The following PCDHGB7 variants were observed in gnomAD, a reference collection of about 807,000 sequenced individuals.
PCDHGB7 encodes the protein protocadherin gamma-B7.
Under a neutral mutation model 61.4 loss-of-function variants are expected in PCDHGB7, and 37 were observed. That is an observed-to-expected ratio of 0.60 (90% confidence interval 0.46 to 0.79). The LOEUF (loss-of-function observed/expected upper bound fraction) is 0.79. PCDHGB7 is among the 30% of genes least tolerant of loss of function. The pLI, the probability that PCDHGB7 is intolerant of heterozygous loss-of-function variation, is 0.00. For synonymous variants in PCDHGB7, 464 were observed against 503.5 expected (o/e 0.92, Z 1.05); for missense variants, 1,166 against 1,202.5 (o/e 0.97, Z 0.45).
intron 1 of PCDHGB7, 106 bp from the exon 2 acceptor site, chr5:141,494,701 C>T: frequency 6.3e-7 from 1 of 1,594,596 alleles, no homozygotes; most frequent in Admixed American, 1.7e-5. Flanking sequence ...CCGTTTTCTT[C>T]TCTGTGCCCA....
In PCDHGB7 at chr5:141,419,663, G is replaced by A; in HGVS notation, c.1804G>A (p.Ala602Thr). The change falls in exon 1 of 4, where the codon GCC (alanine) becomes ACC (threonine). Residue 602 changes from alanine (A) to threonine (T), a missense_variant. Transcript: ENST00000398594. ...CGTGGACGCGGACTCGGGGCACAAT[G>A]CCTGGCTGTCCTACCACGTGGTGCA... ...VAVDADSGHN[A>T]WLSYHVVQAS... 6.2e-7 allele frequency: 1 copy of A among 1,612,826 alleles called. No individual in the cohort carries two copies. The highest frequency in any genetic ancestry group is 8.5e-7 in the Non-Finnish European group (1 of 1,179,782).
intron 1 of PCDHGB7, among the ~76,000 whole-genome samples, chr5:141,460,914 A>G (rs62379191): frequency 4.9e-5 from 6 of 122,236 alleles, no homozygotes; most frequent in Non-Finnish European, 5.2e-5. Context: ...TCCATGGTGT[A>G]TATATATATA....
chr5:141,418,572 AC>A lies in PCDHGB7; in HGVS notation c.719del (p.Pro240GlnfsTer23), dbSNP rs752316020. 8.1e-6 allele frequency: 13 copies of A among 1,613,794 alleles called. 1 individual carries two copies. The Admixed American group carries it at 1.8e-4, about 23-fold the overall frequency. ...IRILVIDAND[N>X]PPVFSQDVYR... ...ATCCTGGTAATAGATGCCAATGACA[AC>A]CCCCCAGTGTTCAGCCAGGACGTGT... On this transcript the variant is annotated frameshift_variant, in exon 1 of 4. Transcript: ENST00000398594. LOFTEE classifies it high-confidence loss of function.
intron 1 of PCDHGB7, among the ~76,000 whole-genome samples, chr5:141,473,413 G>A (rs1282997381): frequency 6.6e-6 from 1 of 152,156 alleles, no homozygotes; most frequent in Non-Finnish European, 1.5e-5. Context: ...CTTCTTCAGT[G>A]GGGGAAGCAG....
In PCDHGB7 at chr5:141,486,718, A is replaced by G; in HGVS notation, c.2416-8089A>G. 6.2e-7 allele frequency: 1 copy of G among 1,614,106 alleles called. No individual in the cohort carries two copies. The highest frequency in any genetic ancestry group is 1.7e-5 in the Admixed American group (1 of 60,022). On this transcript the variant is annotated intron_variant, in intron 1 of 3. Coordinates refer to ENST00000398594, the MANE Select transcript of PCDHGB7 (RefSeq NM_018927.4). This position sits in a 1 kb window ranked among gnomAD's most constrained non-coding sequence, Gnocchi z 5.0. Reference sequence around the variant, plus strand: ...TCATCTCTCTGAACCCCCAGACAGGAGCTGTTCATGCTACTCGATCCTTTG... The same window carrying G: ...TCATCTCTCTGAACCCCCAGACAGGGGCTGTTCATGCTACTCGATCCTTTG...
At chr5:141,479,328 G>C (rs568506786) in intron 1 of PCDHGB7, 3 of 152,536 alleles carry the variant, frequency 2.0e-5, no homozygotes, top group African/African-American at 7.2e-5. Context: ...CAGACTCAGT[G>C]GTGTGCACCT....
chr5:141,487,813 TG>T lies in PCDHGB7; in HGVS notation c.2416-6989del. 7.2e-7 allele frequency: 1 copy of T among 1,384,138 alleles called. No homozygotes were observed. 85.7% of individuals were successfully genotyped at this position (1,384,138 alleles called of 1,614,324 possible). A position where few individuals can be genotyped will look rare whatever the true frequency, so the allele number is the denominator to read the frequency against. On this transcript the variant is annotated intron_variant, in intron 1 of 3. Transcript: ENST00000398594. This position sits in a 1 kb window ranked among gnomAD's most constrained non-coding sequence, Gnocchi z 5.0. Reference sequence around the variant, plus strand: ...AACCAGAGTTGTCACAGTTTAGCATTGGGGGCGGGTCATGCCTATATCTGAG... The same window carrying T: ...AACCAGAGTTGTCACAGTTTAGCATTGGGGCGGGTCATGCCTATATCTGAG...
Position 141,419,285 on chromosome 5 carries a change from G to A in PCDHGB7, c.1426G>A (p.Ala476Thr). 2 of 1,614,028 alleles carry A rather than the reference G, an allele frequency of 1.2e-6. No homozygotes were observed. Among genetic ancestry groups the A allele is most frequent in the East Asian group, 4.5e-5 (2 of 44,886 alleles). Residue 476 changes from alanine to threonine, a missense_variant, in exon 1 of 4, where the codon GCC becomes ACC. Ala to Thr is a moderately conservative substitution (Grantham distance 58, BLOSUM62 0). Coordinates refer to ENST00000398594, the MANE Select transcript of PCDHGB7 (RefSeq NM_018927.4). ...QPGASIAQVSASDPDFGLNGR... is the reference protein window; with the variant it reads ...QPGASIAQVSTSDPDFGLNGR... The stretch of plus-strand genomic sequence containing the variant: ...GGGTGCCTCCATAGCGCAAGTCAGT[G>A]CCTCTGACCCAGACTTCGGGCTCAA...
rs2099668037 is a variant in PCDHGB7 at position 141,487,853 on chromosome 5, T to C, written c.2416-6954T>C. The C allele has an allele frequency of 1.0e-6, 1 of 984,708 alleles. No individual in the cohort carries two copies. The allele number at this position is 984,708 out of a possible 1,614,324, so 61.0% of individuals were successfully genotyped here. The stretch of plus-strand genomic sequence containing the variant: ...CCTATATCTGAGTAAGAAATGAAAG[T>C]AATTGGTGATCAAGAGCCAGGCTGT... On this transcript the variant is annotated intron_variant, in intron 1 of 3. Transcript: ENST00000398594. The surrounding 1 kb of genome is among the most constrained non-coding windows in gnomAD (Gnocchi z 5.0).
chr5:141,437,617 C>T (rs570138576), intron 1 of PCDHGB7, among the ~76,000 whole-genome samples: 1 of 152,102 alleles, frequency 6.6e-6, no homozygotes, highest in Admixed American at 6.6e-5. Flanking sequence ...CTGCTTTATC[C>T]CCATATAAGA....
At chr5:141,423,008 C>A in intron 1 of PCDHGB7, 13 of 1,614,214 alleles carry the variant, frequency 8.1e-6, no homozygotes, top group Non-Finnish European at 1.1e-5. Flanking sequence ...AAGGTGGTTG[C>A]GGTGGACAAA....
At chr5:141,462,833 A>G (rs1488609568) in intron 1 of PCDHGB7, among the ~76,000 whole-genome samples, 1 of 152,082 alleles carries the variant, frequency 6.6e-6, no homozygotes, top group Non-Finnish European at 1.5e-5. Flanking sequence ...GACATTGTAA[A>G]TGTTATATTT....
chr5:141,480,390 T>C (rs753766736), intron 1 of PCDHGB7, among the ~76,000 whole-genome samples: 14 of 151,350 alleles, frequency 9.3e-5, no homozygotes, highest in Non-Finnish European at 1.9e-4. Flanking sequence ...ACTTCAACCA[T>C]GGCAATAGAG....
chr5:141,495,853 C>T (rs1254274145), intron 2 of PCDHGB7, among the ~76,000 whole-genome samples: 1 of 152,136 alleles, frequency 6.6e-6, no homozygotes, highest in African/African-American at 2.4e-5. Context: ...TTCTCTGTCT[C>T]TCACTATTTC....
chr5:141,427,723 G>A, intron 1 of PCDHGB7: 1 of 1,127,490 alleles, frequency 8.9e-7, no homozygotes, highest in Non-Finnish European at 1.3e-6. Context: ...CTGGACCTAG[G>A]GCTGAATGGC....
Position 141,489,407 on chromosome 5 carries a change from T to C in PCDHGB7, c.2416-5400T>C. On this transcript the variant is annotated intron_variant, in intron 1 of 3. Transcript: ENST00000398594. This position sits in a 1 kb window ranked among gnomAD's most constrained non-coding sequence, Gnocchi z 4.5. ...GTTGCTCAGGATCTGGGCTTAAAGA[T>C]GACAGATCTGTTGAGCCGGCGGCTG... 6.2e-7 allele frequency: 1 copy of C among 1,614,140 alleles called. No individual in the cohort carries two copies.
Position 141,418,549 on chromosome 5 carries a change from C to T in PCDHGB7, c.690C>T (p.Ile230=). ...PPRSGTAQIR[I]LVIDANDNPP... ...GAAGCGGTACTGCTCAGATAAGAAT[C>T]CTGGTAATAGATGCCAATGACAACC... is the stretch of plus-strand genomic sequence containing the variant. The change falls in exon 1 of 4, where the codon ATC becomes ATT. Residue 230 remains isoleucine (I), a synonymous_variant. Coordinates refer to ENST00000398594, the MANE Select transcript of PCDHGB7 (RefSeq NM_018927.4). 1 of 1,614,024 alleles carries T rather than the reference C, an allele frequency of 6.2e-7. No homozygotes were observed. Among genetic ancestry groups the T allele is most frequent in the Non-Finnish European group, 8.5e-7 (1 of 1,179,900 alleles).
intron 1 of PCDHGB7, among the ~76,000 whole-genome samples, chr5:141,463,224 G>C (rs1039535501): frequency 6.6e-6 from 1 of 151,958 alleles, no homozygotes; most frequent in Non-Finnish European, 1.5e-5. Context: ...AATATTCCTG[G>C]AGTTCTTTGT....
intron 1 of PCDHGB7, among the ~76,000 whole-genome samples, chr5:141,452,103 TTTCTC>T (rs1428635203): frequency 1.3e-5 from 2 of 152,186 alleles, no homozygotes; most frequent in African/African-American, 4.8e-5. Context: ...AGAGCTTTCT[TTTCTC>T]TTCTTATTTA....
Sources: gnomAD v4.1 joint callset for allele counts (sites outside exome capture counted in the v4.1 genomes callset) on GRCh38, gnomAD v4.1.1 for gene constraint, Gnocchi (gnomAD v3.1) non-coding constraint, MANE v1.5 for transcripts, NCBI Gene and HGNC (gene_info 2026-07-23, HGNC 2026-07-21) for gene names.